ERC2: variants seen among roughly 807,000 people sequenced by gnomAD.
The protein encoded by ERC2 is ERC protein 2.
In ERC2, 42 loss-of-function variants were observed where a neutral mutation model predicts 114.8. The observed-to-expected ratio is 0.37, with a 90% CI of 0.29 to 0.47. ERC2 has a LOEUF of 0.47. Among genes scored for constraint, ERC2 ranks in the 20% least tolerant of loss-of-function variants. The pLI, the probability that ERC2 is intolerant of heterozygous loss-of-function variation, is 0.99. For synonymous variants in ERC2, 454 were observed against 425.5 expected, an observed-to-expected ratio of 1.07 and a Z score of -0.82; for missense variants, 939 against 1,150.7, an observed-to-expected ratio of 0.82 and a Z score of 2.66.
intron 2 of ERC2, among the ~76,000 whole-genome samples, chr3:56,428,999 T>C (rs558422231): frequency 6.6e-6 from 1 of 152,310 alleles, no homozygotes; most frequent in African/African-American, 2.4e-5. Context: ...GCTTTATGTG[T>C]ACCTAATTTG....
At chr3:55,951,708 C>G (rs2067529557) in intron 12 of ERC2, among the ~76,000 whole-genome samples, 1 of 151,902 alleles carries the variant, frequency 6.6e-6, no homozygotes, top group Admixed American at 6.6e-5. Flanking sequence ...GATCCCTTTC[C>G]CCCATACCAC....
intron 14 of ERC2, among the ~76,000 whole-genome samples, chr3:55,836,487 AAAAC>A (rs1307218046): frequency 1.3e-5 from 2 of 152,380 alleles, no homozygotes; most frequent in African/African-American, 2.4e-5. Context: ...AAACCTGAGA[AAAAC>A]AAGCAATGGG....
At chr3:56,244,474 G>A (rs540046196) in intron 3 of ERC2, among the ~76,000 whole-genome samples, 149 of 152,176 alleles carry the variant, frequency 9.8e-4, no homozygotes, top group African/African-American at 3.4e-3. Context: ...GACATCATAG[G>A]AGATGACAGC....
At chr3:55,548,384 G>A (rs1035081021) in intron 17 of ERC2, among the ~76,000 whole-genome samples, 1 of 152,238 alleles carries the variant, frequency 6.6e-6, no homozygotes, top group Non-Finnish European at 1.5e-5. Context: ...GTTGTTACAG[G>A]AGATGTAAAT....
intron 2 of ERC2, among the ~76,000 whole-genome samples, chr3:56,421,050 G>A (rs2061371225): frequency 6.6e-6 from 1 of 152,168 alleles, no homozygotes; most frequent in Non-Finnish European, 1.5e-5. Flanking sequence ...CCTGGTGTTG[G>A]TCAATATAAC....
At chr3:56,356,546 G>C (rs957372755) in intron 2 of ERC2, among the ~76,000 whole-genome samples, 3 of 152,190 alleles carry the variant, frequency 2.0e-5, no homozygotes, top group African/African-American at 7.2e-5. Flanking sequence ...CCTCCCAGGA[G>C]TTAGCCCTCT....
chr3:55,997,526 T>C (rs1362216634), intron 10 of ERC2, among the ~76,000 whole-genome samples: 1 of 148,246 alleles, frequency 6.7e-6, no homozygotes, highest in Admixed American at 6.8e-5. Flanking sequence ...ATATTATATA[T>C]GTTATATATA....
At chr3:56,113,439 T>C (rs1435190535) in intron 6 of ERC2, among the ~76,000 whole-genome samples, 3 of 152,200 alleles carry the variant, frequency 2.0e-5, no homozygotes, top group Non-Finnish European at 4.4e-5. Context: ...GAAAATACCT[T>C]CATATAGCAG....
chr3:56,255,407 C>A lies in ERC2; in HGVS notation c.1074+40612G>T, dbSNP rs112576587. On this transcript the variant is annotated intron_variant, in intron 3 of 17. Transcript: ENST00000288221. Reference sequence around the variant, plus strand: ...AGCTCCCTTTGATAGCTCAAGACCCCGCAGCTGCTTTCGCCACACCACACT... The same window carrying A: ...AGCTCCCTTTGATAGCTCAAGACCCAGCAGCTGCTTTCGCCACACCACACT... 9.1e-3 allele frequency among the ~76,000 whole-genome samples: 1,391 copies of A among 152,264 alleles called. 16 individuals carry two copies. The highest frequency in any genetic ancestry group is 0.031 in the African/African-American group (1,275 of 41,546).
intron 12 of ERC2, among the ~76,000 whole-genome samples, chr3:55,952,058 C>T (rs548217513): frequency 3.3e-5 from 5 of 150,296 alleles, no homozygotes; most frequent in Admixed American, 2.0e-4. Context: ...CCCAGCTACT[C>T]GGAAGTCTGA....
At chr3:55,922,030 T>C (rs923477048) in intron 13 of ERC2, among the ~76,000 whole-genome samples, 1 of 152,154 alleles carries the variant, frequency 6.6e-6, no homozygotes, top group African/African-American at 2.4e-5. Flanking sequence ...GAGAAATGTA[T>C]TCATTCAGAA....
intron 17 of ERC2, among the ~76,000 whole-genome samples, chr3:55,521,474 T>C (rs1053362182): frequency 1.6e-4 from 24 of 152,250 alleles, no homozygotes; most frequent in Non-Finnish European, 8.8e-5. Flanking sequence ...CTATGCAGCA[T>C]ACTTTCTTGG....
intron 15 of ERC2, among the ~76,000 whole-genome samples, chr3:55,731,767 T>C (rs894815930): frequency 6.6e-6 from 1 of 152,184 alleles, no homozygotes; most frequent in African/African-American, 2.4e-5. Context: ...GATGAGTTGA[T>C]GTATGTAAAG....
At chr3:56,024,961 C>G (rs2073952148) in intron 7 of ERC2, among the ~76,000 whole-genome samples, 1 of 152,174 alleles carries the variant, frequency 6.6e-6, no homozygotes, top group Admixed American at 6.5e-5. Context: ...ATCCATGGAC[C>G]TGTCATCATG....
chr3:55,812,078 T>C (rs1339380771), intron 14 of ERC2, among the ~76,000 whole-genome samples: 2 of 152,218 alleles, frequency 1.3e-5, no homozygotes, highest in African/African-American at 2.4e-5. Context: ...GTTCTCATTG[T>C]TCAGCACCCA....
chr3:56,434,700 T>C lies in ERC2; in HGVS notation c.308A>G (p.Asn103Ser), dbSNP rs780015562. Residue 103 changes from asparagine to serine, a missense_variant, in exon 2 of 18, where the codon AAT becomes AGT. This residue lies in a region of ERC2 where 281 missense variants were observed against 307.4 expected (regional missense o/e 0.91). Transcript: ENST00000288221. ...GRVTAMGSSP[N>S]IASAGLSHTD... ...GTGGGAAAGTCCAGCAGAAGCAATA[T>C]TGGGACTACTCCCCATGGCTGTGAC... 8.1e-6 allele frequency: 13 copies of C among 1,613,866 alleles called. No individual in the cohort carries two copies. The highest frequency in any genetic ancestry group is 4.5e-5 in the East Asian group (2 of 44,888).
chr3:55,621,268 G>T (rs1410043214), intron 17 of ERC2, among the ~76,000 whole-genome samples: 2 of 152,096 alleles, frequency 1.3e-5, no homozygotes, highest in Non-Finnish European at 2.9e-5. Context: ...GTGGTGGGCT[G>T]GTTAAACGCC....
chr3:56,131,159 A>G (rs1519031), intron 6 of ERC2, among the ~76,000 whole-genome samples: 2 of 152,118 alleles, frequency 1.3e-5, no homozygotes, highest in Non-Finnish European at 2.9e-5. Flanking sequence ...AGACCTCCCA[A>G]TTGTGGCCAC....
intron 17 of ERC2, among the ~76,000 whole-genome samples, chr3:55,640,234 CT>C (rs765940961): frequency 3.9e-5 from 6 of 152,234 alleles, no homozygotes; most frequent in Admixed American, 2.0e-4. Flanking sequence ...GTCCATCTGT[CT>C]TTGTCAAGGA....
Sources: gnomAD v4.1 joint callset for allele counts (sites outside exome capture counted in the v4.1 genomes callset) on GRCh38, gnomAD v4.1.1 for gene constraint, gnomAD v4.1.1 regional missense constraint, MANE v1.5 for transcripts, NCBI Gene and HGNC (gene_info 2026-07-23, HGNC 2026-07-21) for gene names.